The following MRPS27 variants were observed in gnomAD, a reference collection of about 807,000 sequenced individuals.
MRPS27 encodes the protein small ribosomal subunit protein mS27.
In MRPS27, 43 loss-of-function variants were observed where a neutral mutation model predicts 48.9. That is an observed-to-expected ratio of 0.88 (90% CI 0.69 to 1.13). MRPS27 has a LOEUF of 1.13. Ranked by LOEUF, MRPS27 falls within the 50% of genes most tolerant of loss-of-function variation. The pLI, the probability that MRPS27 is intolerant of heterozygous loss-of-function variation, is 0.00. For synonymous variants in MRPS27, 188 were observed against 171.9 expected (o/e 1.09, Z -0.73); for missense variants, 467 against 476.3 (o/e 0.98, Z 0.18).
chr5:72,226,949 T>C (rs1448854031), intron 8 of MRPS27: 4 of 152,256 alleles, frequency 2.6e-5, no homozygotes, highest in African/African-American at 4.8e-5. Context: ...CTGCCCAGTC[T>C]TAAATCCACC....
chr5:72,300,867 GTGT>G (rs1750108693), intron 2 of MRPS27, among the ~76,000 whole-genome samples: 1 of 152,114 alleles, frequency 6.6e-6, no homozygotes, highest in South Asian at 2.1e-4. Context: ...ATGCTAATCT[GTGT>G]TGTTTTTCTG....
intron 5 of MRPS27, among the ~76,000 whole-genome samples, chr5:72,236,086 T>C (rs1459365953): frequency 1.3e-5 from 2 of 152,094 alleles, no homozygotes; most frequent in African/African-American, 4.8e-5. Flanking sequence ...GTGTCTCAAC[T>C]AAGAACCTAA....
At chr5:72,231,798 C>T (rs1049338629) in intron 7 of MRPS27, among the ~76,000 whole-genome samples, 2 of 152,096 alleles carry the variant, frequency 1.3e-5, no homozygotes, top group African/African-American at 4.8e-5. Context: ...CAGGTGGCTT[C>T]GTTACCTACT....
chr5:72,318,789 G>GAAA (rs11384406), intron 1 of MRPS27, among the ~76,000 whole-genome samples: 5 of 142,254 alleles, frequency 3.5e-5, no homozygotes, highest in Non-Finnish European at 6.1e-5. Flanking sequence ...AACGAAACCC[G>GAAA]AAAAAAAAAA....
intron 4 of MRPS27, among the ~76,000 whole-genome samples, chr5:72,261,721 G>C (rs1411443233): frequency 6.6e-6 from 1 of 152,134 alleles, no homozygotes; most frequent in Non-Finnish European, 1.5e-5. Flanking sequence ...GTAATGTTAT[G>C]TCCGTACTAT....
At chr5:72,240,868 T>A (rs1162359265) in intron 4 of MRPS27, among the ~76,000 whole-genome samples, 1 of 152,234 alleles carries the variant, frequency 6.6e-6, no homozygotes, top group Non-Finnish European at 1.5e-5. Flanking sequence ...ACACATCGAA[T>A]ACAATCATCT....
rs1561326243 is a variant in MRPS27 at position 72,221,166 on chromosome 5, GA to G, written c.1006-19del. The G allele has an allele frequency of 6.2e-7, 1 of 1,609,696 alleles. No individual in the cohort carries two copies. On this transcript the variant is annotated intron_variant, in intron 10 of 10. Coordinates refer to ENST00000261413, the MANE Select transcript of MRPS27 (RefSeq NM_015084.3). ...TGTAAGGCCTGTTGGAAACAAATGG[GA>G]AAAATGAGAAGAAAGGTAGAGAAGT... is the stretch of plus-strand genomic sequence containing the variant.
intron 4 of MRPS27, among the ~76,000 whole-genome samples, chr5:72,251,655 G>A (rs1212672045): frequency 6.6e-6 from 1 of 152,224 alleles, no homozygotes; most frequent in Non-Finnish European, 1.5e-5. Context: ...AGACAGCTAA[G>A]GAGTGTGGAT....
intron 4 of MRPS27, among the ~76,000 whole-genome samples, chr5:72,273,912 CT>C (rs1749310324): frequency 6.6e-6 from 1 of 152,138 alleles, no homozygotes; most frequent in African/African-American, 2.4e-5. Context: ...TTTTTAGAAA[CT>C]TTTGACTTTT....
intron 4 of MRPS27, among the ~76,000 whole-genome samples, chr5:72,287,443 C>T (rs948616579): frequency 5.3e-5 from 8 of 152,132 alleles, no homozygotes; most frequent in Admixed American, 2.6e-4. Flanking sequence ...AGTTCAAGAC[C>T]GGCCTTGCCA....
intron 1 of MRPS27, among the ~76,000 whole-genome samples, chr5:72,315,776 G>C (rs1580123213): frequency 6.6e-6 from 1 of 152,100 alleles, no homozygotes; most frequent in East Asian, 1.9e-4. Context: ...TACCTTACTG[G>C]AGAGAACATA....
chr5:72,231,577 G>A (rs1403107748), intron 7 of MRPS27, among the ~76,000 whole-genome samples: 2 of 152,136 alleles, frequency 1.3e-5, no homozygotes, highest in African/African-American at 4.8e-5. Flanking sequence ...GAATTTGTAT[G>A]TGTTCAATAC....
At chr5:72,285,672 C>T (rs1288144591) in intron 4 of MRPS27, among the ~76,000 whole-genome samples, 2 of 152,162 alleles carry the variant, frequency 1.3e-5, no homozygotes, top group Admixed American at 6.5e-5. Context: ...TAGGCACACA[C>T]CACCATGACC....
intron 9 of MRPS27, among the ~76,000 whole-genome samples, chr5:72,225,264 G>A (rs970788030): frequency 3.9e-5 from 6 of 152,166 alleles, no homozygotes; most frequent in Non-Finnish European, 8.8e-5. Flanking sequence ...GACCACCTCA[G>A]GACTGAAATG....
At chr5:72,223,920 G>T in intron 9 of MRPS27, 70 bp from the exon 10 acceptor site, 1 of 1,498,498 alleles carries the variant, frequency 6.7e-7, no homozygotes, top group Non-Finnish European at 9.1e-7. Context: ...AGAAAGGCTA[G>T]AGAAGGCGAA....
chr5:72,226,545 C>T (rs1336688944), intron 8 of MRPS27, among the ~76,000 whole-genome samples: 1 of 152,106 alleles, frequency 6.6e-6, no homozygotes, highest in Non-Finnish European at 1.5e-5. Flanking sequence ...AACAAGTCAA[C>T]TGAGATACAA....
chr5:72,224,933 A>G (rs1747851782), intron 9 of MRPS27, among the ~76,000 whole-genome samples: 1 of 152,232 alleles, frequency 6.6e-6, no homozygotes, highest in South Asian at 2.1e-4. Flanking sequence ...ATATCAGAAC[A>G]GAAATCCTAA....
At position 72,295,555 on chromosome 5, in the gene MRPS27, T is replaced by C; in HGVS notation, c.257A>G (p.Asp86Gly). ...IDNISSREEI[D>G]HAEYYLYKFR... ...CTTGTAAAGGTAATACTCTGCATGA[T>C]CTATCTCTTCCCGAGAGGAAATGTT... The change falls in exon 4 of 11, where the codon GAT becomes GGT. Residue 86 changes from aspartate (D) to glycine (G), a missense_variant. Physicochemically the swap from Asp to Gly is moderately conservative, Grantham distance 94 (BLOSUM62 -1). Coordinates refer to ENST00000261413, the MANE Select transcript of MRPS27 (RefSeq NM_015084.3). The C allele has an allele frequency of 6.2e-7, 1 of 1,611,152 alleles. No homozygotes were observed. The highest frequency in any genetic ancestry group is 8.5e-7 in the Non-Finnish European group (1 of 1,177,406).
intron 2 of MRPS27, among the ~76,000 whole-genome samples, chr5:72,303,175 G>A (rs1400123810): frequency 6.6e-6 from 1 of 152,226 alleles, no homozygotes; most frequent in Non-Finnish European, 1.5e-5. Flanking sequence ...TTTGGCAGGT[G>A]ACACATATGC....
Sources: allele counts gnomAD v4.1 joint callset (sites outside exome capture counted in the v4.1 genomes callset), GRCh38; gene constraint gnomAD v4.1.1; transcripts MANE v1.5; gene names NCBI Gene and HGNC (gene_info 2026-07-23, HGNC 2026-07-21).